Variants in NEXMIF observed in about 807,000 individuals in gnomAD.
NEXMIF encodes the protein neurite extension and migration factor, also known as XLMR protein related to neurite extension.
NEXMIF carries 8 observed loss-of-function variants against 62.1 expected under a neutral mutation model. The ratio of observed to expected loss-of-function variants is 0.13; its 90% CI spans 0.08 to 0.23. The LOEUF (loss-of-function observed/expected upper bound fraction) is 0.23. NEXMIF is among the 10% of genes least tolerant of loss of function. NEXMIF has a pLI of 1.00. For synonymous variants in NEXMIF, 404 were observed against 416.6 expected (o/e 0.97, Z 0.37); for missense variants, 976 against 1,113.3 (o/e 0.88, Z 1.75).
At chrX:74,910,625 A>C (rs1403489844) in intron 1 of NEXMIF, among the ~76,000 whole-genome samples, 3 of 111,621 alleles carry the variant, frequency 2.7e-5, no homozygotes, top group Non-Finnish European at 5.6e-5. Flanking sequence ...ATGTGAGTAC[A>C]TAAGATTTGG....
At chrX:74,833,384 G>A (rs1333354271) in intron 1 of NEXMIF, among the ~76,000 whole-genome samples, 1 of 111,636 alleles carries the variant, frequency 9.0e-6, no homozygotes, top group Admixed American at 9.5e-5. Flanking sequence ...TTCTTAGAGT[G>A]TTTATAGCTA....
intron 1 of NEXMIF, among the ~76,000 whole-genome samples, chrX:74,896,725 A>G (rs2080733963): frequency 9.0e-6 from 1 of 111,584 alleles, no homozygotes; most frequent in African/African-American, 3.3e-5. Context: ...AAAATAGAAG[A>G]GCAGAGACTG....
At chrX:74,863,738 G>A (rs1289596807) in intron 1 of NEXMIF, among the ~76,000 whole-genome samples, 1 of 111,683 alleles carries the variant, frequency 9.0e-6, no homozygotes, top group Non-Finnish European at 1.9e-5. Flanking sequence ...TGAAAAGGAG[G>A]GACTTCTCCA....
intron 1 of NEXMIF, among the ~76,000 whole-genome samples, chrX:74,790,144 A>G (rs1377647598): frequency 9.3e-6 from 1 of 107,971 alleles, no homozygotes; most frequent in Non-Finnish European, 1.9e-5. Context: ...TCTTGAATTG[A>G]TTTTTGTATA....
chrX:74,796,228 TAA>T (rs1569345229), intron 1 of NEXMIF, among the ~76,000 whole-genome samples: 10 of 60,143 alleles, frequency 1.7e-4, no homozygotes, highest in Admixed American at 8.3e-4. Flanking sequence ...TATACATATA[TAA>T]TATATATATA....
chrX:74,794,792 C>A (rs140738402), intron 1 of NEXMIF, among the ~76,000 whole-genome samples: 1,190 of 111,870 alleles, frequency 0.011, 7 homozygotes, highest in Non-Finnish European at 0.017. Context: ...CTCCCTGACC[C>A]CTTGCGCTTC....
At chrX:74,809,916 C>T (rs1327557160) in intron 1 of NEXMIF, among the ~76,000 whole-genome samples, 2 of 111,610 alleles carry the variant, frequency 1.8e-5, no homozygotes, top group Non-Finnish European at 3.8e-5. Context: ...GAGTAATAAA[C>T]AGTGGAACCC....
At chrX:74,815,061 A>G (rs1046415299) in intron 1 of NEXMIF, among the ~76,000 whole-genome samples, 5 of 112,637 alleles carry the variant, frequency 4.4e-5, no homozygotes, top group African/African-American at 1.6e-4. Flanking sequence ...CATATTCTTC[A>G]TAACTCAGAC....
In NEXMIF at chrX:74,833,924, T is replaced by A. The variant is rs767254372; in HGVS notation, c.-47-88227A>T. The stretch of plus-strand genomic sequence containing the variant: ...ACTTTGGGAGGCCGAGGCAGGCAGA[T>A]CACCTGAGGTCGGGAGTCTGACCGA... On this transcript the variant is annotated intron_variant, in intron 1 of 3. Transcript: ENST00000055682. 5.3e-4 allele frequency among the ~76,000 whole-genome samples: 58 copies of A among 110,291 alleles called. 1 individual carries two copies. The highest frequency in any genetic ancestry group is 9.5e-4 in the Non-Finnish European group (50 of 52,807).
At chrX:74,858,177 G>T (rs1362450208) in intron 1 of NEXMIF, among the ~76,000 whole-genome samples, 1 of 112,074 alleles carries the variant, frequency 8.9e-6, no homozygotes, top group African/African-American at 3.2e-5. Flanking sequence ...AACACAGGCA[G>T]TAGCCAGGCA....
At position 74,871,765 on chromosome X, in the gene NEXMIF, C is replaced by A. The variant is rs759187746; in HGVS notation, c.-48+53118G>T. On this transcript the variant is annotated intron_variant, in intron 1 of 3. Transcript: ENST00000055682. ...TGCTCGACCCCACAGGCAGTCAGCC[C>A]TTATGGTTATCTTCCCTTTTTCCCT... 7.2e-5 allele frequency among the ~76,000 whole-genome samples: 8 copies of A among 111,852 alleles called. No homozygotes were observed. The South Asian group carries it at 3.0e-3, about 42-fold the overall frequency.
At chrX:74,796,268 ATATATACATATATATTATATATAT>A (rs1358654339) in intron 1 of NEXMIF, among the ~76,000 whole-genome samples, 17 of 51,424 alleles carry the variant, frequency 3.3e-4, no homozygotes, top group African/African-American at 1.2e-3. Context: ...TATATATTAT[ATATATACATATATATTATATATAT>A]TATATATATA....
intron 1 of NEXMIF, among the ~76,000 whole-genome samples, chrX:74,884,792 G>A (rs1299236027): frequency 9.0e-6 from 1 of 111,247 alleles, no homozygotes; most frequent in Non-Finnish European, 1.9e-5. Flanking sequence ...TGCACCAAGC[G>A]GGCCTAATAG....
intron 1 of NEXMIF, among the ~76,000 whole-genome samples, chrX:74,900,104 G>A (rs952213095): frequency 9.0e-6 from 1 of 111,464 alleles, no homozygotes; most frequent in Non-Finnish European, 1.9e-5. Flanking sequence ...AACATCTCTA[G>A]TTATTAGGGA....
At chrX:74,921,223 C>G (rs914283635) in intron 1 of NEXMIF, among the ~76,000 whole-genome samples, 2 of 110,862 alleles carry the variant, frequency 1.8e-5, no homozygotes, top group African/African-American at 6.6e-5. Flanking sequence ...TCACTGTGGG[C>G]AATGAGGGAC....
intron 1 of NEXMIF, among the ~76,000 whole-genome samples, chrX:74,895,448 A>AC (rs1300420038): frequency 1.2e-4 from 13 of 112,290 alleles, no homozygotes; most frequent in African/African-American, 4.2e-4. Flanking sequence ...TCACAGAAAT[A>AC]GAAAAAAATC....
At chrX:74,829,800 A>C (rs1247371650) in intron 1 of NEXMIF, among the ~76,000 whole-genome samples, 1 of 111,977 alleles carries the variant, frequency 8.9e-6, no homozygotes, top group Non-Finnish European at 1.9e-5. Context: ...TCTGATGATC[A>C]ATAATGTTGA....
At chrX:74,873,065 G>A (rs2080610116) in intron 1 of NEXMIF, among the ~76,000 whole-genome samples, 1 of 108,285 alleles carries the variant, frequency 9.2e-6, no homozygotes, top group African/African-American at 3.4e-5. Context: ...ATGTATACAT[G>A]TGCCATGCTG....
chrX:74,821,423 TG>T (rs1160011442), intron 1 of NEXMIF, among the ~76,000 whole-genome samples: 1 of 112,139 alleles, frequency 8.9e-6, no homozygotes, highest in African/African-American at 3.2e-5. Flanking sequence ...ACTTTTATTT[TG>T]TCTCAGACTG....
Sources: allele counts gnomAD v4.1 joint callset (sites outside exome capture counted in the v4.1 genomes callset), GRCh38; gene constraint gnomAD v4.1.1; transcripts MANE v1.5; gene names NCBI Gene and HGNC (gene_info 2026-07-23, HGNC 2026-07-21).